WFDC10B: variants seen among roughly 807,000 people sequenced by gnomAD.
WFDC10B encodes protein WFDC10B.
In WFDC10B, 1 loss-of-function variant was observed where a neutral mutation model predicts 2.7. That is an observed-to-expected ratio of 0.38 (90% CI 0.13 to 1.79). The LOEUF is 1.79. Among genes scored for constraint, WFDC10B ranks in the 40% most tolerant of loss-of-function variants. The pLI is 0.33. For synonymous variants in WFDC10B, 26 were observed against 32.2 expected (o/e 0.81, Z 0.65); for missense variants, 71 against 87.8 (o/e 0.81, Z 0.76).
chr20:45,702,138 G>A (rs773290407), intron 2 of WFDC10B: 3 of 1,613,264 alleles, frequency 1.9e-6, no homozygotes, highest in African/African-American at 2.7e-5. Flanking sequence ...AGCCTGTGCT[G>A]CCTCTCCAGT....
intron 1 of WFDC10B, 141 bp from the exon 2 acceptor site, chr20:45,704,702 C>A (rs1270217745): frequency 1.5e-6 from 2 of 1,322,748 alleles, no homozygotes; most frequent in Non-Finnish European, 2.0e-6. Flanking sequence ...TTTTTTTTTT[C>A]CTTGGTGGCC....
At chr20:45,685,108 C>T in intron 3 of WFDC10B, 148 bp from the exon 4 acceptor site, 2 of 983,650 alleles carry the variant, frequency 2.0e-6, no homozygotes, top group Non-Finnish European at 2.9e-6. Context: ...TCCAGCCCAT[C>T]ACCAATCCTA....
chr20:45,689,262 A>G (rs1241099117), intron 2 of WFDC10B, among the ~76,000 whole-genome samples: 1 of 151,840 alleles, frequency 6.6e-6, no homozygotes, highest in African/African-American at 2.4e-5. Flanking sequence ...TATAGTCTGA[A>G]GTCAGGTAGT....
intron 1 of WFDC10B, 39 bp downstream of exon 1, chr20:45,704,879 C>T: frequency 6.2e-7 from 1 of 1,604,624 alleles, no homozygotes; most frequent in Non-Finnish European, 8.5e-7. Context: ...CAGACCTTCC[C>T]CCGACCCAGA....
At chr20:45,696,707 A>T (rs942449160) in intron 2 of WFDC10B, among the ~76,000 whole-genome samples, 1 of 152,198 alleles carries the variant, frequency 6.6e-6, no homozygotes, top group Non-Finnish European at 1.5e-5. Context: ...CTTGAGAAGG[A>T]ATAGAAAATA....
chr20:45,688,660 A>C (rs907098132), intron 2 of WFDC10B, among the ~76,000 whole-genome samples: 5 of 150,340 alleles, frequency 3.3e-5, no homozygotes, highest in African/African-American at 9.8e-5. Flanking sequence ...GTGTCTGTTC[A>C]TGTCCTTCGC....
At chr20:45,689,790 G>T (rs906816931) in intron 2 of WFDC10B, among the ~76,000 whole-genome samples, 1 of 152,172 alleles carries the variant, frequency 6.6e-6, no homozygotes, top group African/African-American at 2.4e-5. Context: ...TCTGCAAACA[G>T]GGACAATTTG....
intron 2 of WFDC10B, among the ~76,000 whole-genome samples, chr20:45,698,936 C>A (rs1336787559): frequency 1.4e-5 from 2 of 140,674 alleles, no homozygotes; most frequent in African/African-American, 5.4e-5. Context: ...CCACTGCACT[C>A]CAGCCTGGGC....
chr20:45,695,004 C>T (rs1825869318), intron 2 of WFDC10B, among the ~76,000 whole-genome samples: 1 of 152,226 alleles, frequency 6.6e-6, no homozygotes, highest in Non-Finnish European at 1.5e-5. Flanking sequence ...CCTTCTGAAG[C>T]TCACCCTATT....
chr20:45,699,549 G>A (rs1044029388), intron 2 of WFDC10B, among the ~76,000 whole-genome samples: 3 of 152,162 alleles, frequency 2.0e-5, no homozygotes, highest in Non-Finnish European at 4.4e-5. Context: ...AAATTCAAAA[G>A]CATGACAACA....
At chr20:45,690,113 T>TTTGG (rs1173303760) in intron 2 of WFDC10B, among the ~76,000 whole-genome samples, 3 of 152,214 alleles carry the variant, frequency 2.0e-5, no homozygotes, top group African/African-American at 7.2e-5. Flanking sequence ...TGGTTTTGTC[T>TTTGG]TTGGTTCTGT....
At chr20:45,687,572 T>A (rs1983661787) in intron 2 of WFDC10B, among the ~76,000 whole-genome samples, 1 of 152,174 alleles carries the variant, frequency 6.6e-6, no homozygotes, top group African/African-American at 2.4e-5. Context: ...TTCTAAATCT[T>A]TGAGGAATCA....
chr20:45,685,551 C>A (rs1983581866), intron 3 of WFDC10B, among the ~76,000 whole-genome samples: 1 of 152,180 alleles, frequency 6.6e-6, no homozygotes, highest in Non-Finnish European at 1.5e-5. Context: ...ATAACCACTT[C>A]TAGATGTTCA....
chr20:45,685,159 T>TCTCACCC (rs1295440417), intron 3 of WFDC10B, among the ~76,000 whole-genome samples, 199 bp from the exon 4 acceptor site: 1 of 152,102 alleles, frequency 6.6e-6, no homozygotes, highest in Non-Finnish European at 1.5e-5. Context: ...CTGCCCTGCA[T>TCTCACCC]CTCACCCCAG....
intron 2 of WFDC10B, among the ~76,000 whole-genome samples, chr20:45,698,044 G>C (rs948955458): frequency 6.6e-6 from 1 of 152,070 alleles, no homozygotes; most frequent in African/African-American, 2.4e-5. Flanking sequence ...ACACCTGGCC[G>C]GATTTTTCTT....
intron 2 of WFDC10B, among the ~76,000 whole-genome samples, chr20:45,691,504 T>C (rs1270553906): frequency 2.0e-5 from 3 of 151,132 alleles, no homozygotes; most frequent in Middle Eastern, 3.2e-3. Context: ...GGACTTGCTT[T>C]ATGAATCTGG....
chr20:45,700,918 A>T (rs1024972762), intron 2 of WFDC10B, among the ~76,000 whole-genome samples: 5 of 152,362 alleles, frequency 3.3e-5, no homozygotes, highest in Admixed American at 1.3e-4. Flanking sequence ...CAAAGAAACC[A>T]TAATAAACAA....
chr20:45,697,542 G>T (rs1187263820), intron 2 of WFDC10B, among the ~76,000 whole-genome samples: 1 of 151,676 alleles, frequency 6.6e-6, no homozygotes, highest in East Asian at 1.9e-4. Context: ...TGTAGAGACA[G>T]GGTTTTGCCA....
At chr20:45,700,260 A>G (rs1984112136) in intron 2 of WFDC10B, among the ~76,000 whole-genome samples, 2 of 152,214 alleles carry the variant, frequency 1.3e-5, no homozygotes, top group Admixed American at 1.3e-4. Context: ...ATATTCGTGC[A>G]AGAAAAACAG....
Sources: gnomAD v4.1 joint callset for allele counts (sites outside exome capture counted in the v4.1 genomes callset) on GRCh38, gnomAD v4.1.1 for gene constraint, MANE v1.5 for transcripts, NCBI Gene and HGNC (gene_info 2026-07-23, HGNC 2026-07-21) for gene names.